Variants in BRINP1 observed in about 807,000 individuals in gnomAD.
BRINP1 encodes the protein BMP/retinoic acid-inducible neural-specific protein 1.
BRINP1 carries 17 observed loss-of-function variants against 72.9 expected under a neutral mutation model. That is an observed-to-expected ratio of 0.23 (90% confidence interval 0.16 to 0.35). The LOEUF is 0.35. Ranked by LOEUF, BRINP1 falls within the 10% of genes least tolerant of loss-of-function variation. The probability of loss-of-function intolerance (pLI) is 1.00; values close to 1 mark genes in which losing one functional copy is unlikely to be tolerated. For synonymous variants in BRINP1, 418 were observed against 378.5 expected, an observed-to-expected ratio of 1.10 and a Z score of -1.21; for missense variants, 850 against 1,001.6, an observed-to-expected ratio of 0.85 and a Z score of 2.04.
At chr9:119,208,636 G>T in intron 7 of BRINP1, 83 bp downstream of exon 7, 1 of 1,369,932 alleles carries the variant, frequency 7.3e-7, no homozygotes, top group South Asian at 1.2e-5. Flanking sequence ...TGCACCATCT[G>T]CATTGCATTT....
At chr9:119,203,996 G>A (rs1465271855) in intron 7 of BRINP1, among the ~76,000 whole-genome samples, 2 of 152,140 alleles carry the variant, frequency 1.3e-5, no homozygotes, top group Non-Finnish European at 2.9e-5. Flanking sequence ...CCAAGGCTAA[G>A]CTGTGTAAAA....
At chr9:119,345,697 T>C (rs967136197) in intron 1 of BRINP1, among the ~76,000 whole-genome samples, 11 of 152,184 alleles carry the variant, frequency 7.2e-5, no homozygotes, top group Non-Finnish European at 1.5e-4. Flanking sequence ...AACTAGTAAG[T>C]AGCAGAGCAG....
chr9:119,204,726 T>C (rs1829835756), intron 7 of BRINP1, among the ~76,000 whole-genome samples: 1 of 152,224 alleles, frequency 6.6e-6, no homozygotes, highest in African/African-American at 2.4e-5. Flanking sequence ...ATTTAAATTT[T>C]AAAATCTTAA....
chr9:119,248,213 G>C (rs1165729263), intron 3 of BRINP1, among the ~76,000 whole-genome samples: 1 of 152,222 alleles, frequency 6.6e-6, no homozygotes, highest in Non-Finnish European at 1.5e-5. Flanking sequence ...CGGCGACTTT[G>C]TGAGTATGTG....
At chr9:119,204,752 T>G (rs2118866731) in intron 7 of BRINP1, among the ~76,000 whole-genome samples, 1 of 152,332 alleles carries the variant, frequency 6.6e-6, no homozygotes, top group African/African-American at 2.4e-5. Flanking sequence ...ACACTTAACC[T>G]GAAGGCAAGT....
At chr9:119,173,842 T>C (rs1403180945) in intron 7 of BRINP1, among the ~76,000 whole-genome samples, 1 of 140,326 alleles carries the variant, frequency 7.1e-6, no homozygotes, top group Admixed American at 6.9e-5. Context: ...ATGCCGCATA[T>C]CTACAACTAT....
chr9:119,306,324 T>C (rs759857586), intron 2 of BRINP1, among the ~76,000 whole-genome samples: 3 of 152,222 alleles, frequency 2.0e-5, no homozygotes, highest in Non-Finnish European at 2.9e-5. Flanking sequence ...TATCTTTGAA[T>C]TGGCACCAGA....
intron 5 of BRINP1, among the ~76,000 whole-genome samples, chr9:119,225,498 T>C (rs1408613679): frequency 1.3e-5 from 2 of 152,222 alleles, no homozygotes; most frequent in Non-Finnish European, 1.5e-5. Context: ...TGATACTTAA[T>C]ACAATGTAAA....
chr9:119,321,251 T>G (rs1420554630), intron 1 of BRINP1, among the ~76,000 whole-genome samples: 1 of 151,982 alleles, frequency 6.6e-6, no homozygotes, highest in African/African-American at 2.4e-5. Context: ...ATTTTATACA[T>G]GGTGAGGAGG....
At chr9:119,329,157 C>T (rs1424976946) in intron 1 of BRINP1, among the ~76,000 whole-genome samples, 2 of 152,106 alleles carry the variant, frequency 1.3e-5, no homozygotes. Context: ...GAGTTCTTCC[C>T]TGGGGTTAAT....
At chr9:119,193,952 C>A in intron 7 of BRINP1, among the ~76,000 whole-genome samples, 1 of 152,138 alleles carries the variant, frequency 6.6e-6, no homozygotes, top group East Asian at 1.9e-4. Flanking sequence ...GGAAAATTCC[C>A]TTTTGTACCT....
At chr9:119,186,356 C>T (rs1383464814) in intron 7 of BRINP1, among the ~76,000 whole-genome samples, 1 of 152,172 alleles carries the variant, frequency 6.6e-6, no homozygotes, top group African/African-American at 2.4e-5. Context: ...GGAGAGAAGC[C>T]TCACTTTCTG....
intron 2 of BRINP1, among the ~76,000 whole-genome samples, chr9:119,296,835 A>C (rs1830884515): frequency 6.6e-6 from 1 of 152,210 alleles, no homozygotes; most frequent in South Asian, 2.1e-4. Context: ...CAGAGAGTAG[A>C]ATGATGGTTG....
At position 119,234,209 on chromosome 9, in the gene BRINP1, G is replaced by A. The variant is rs186725411; in HGVS notation, c.685+4446C>T. ...TAGACACTGCCAAGAATTTTCCGAA[G>A]TGATTGTACCAATTTGTGTTCCTAT... On this transcript the variant is annotated intron_variant, in intron 5 of 7. Coordinates refer to ENST00000265922, the MANE Select transcript of BRINP1 (RefSeq NM_014618.3). Among the ~76,000 whole-genome samples, 792 of 152,290 alleles carry A rather than the reference G, an allele frequency of 5.2e-3. 6 individuals carry two copies. The highest frequency in any genetic ancestry group is 6.0e-3 in the Non-Finnish European group (407 of 68,028).
At chr9:119,168,495 T>TG (rs140346616) in intron 7 of BRINP1, among the ~76,000 whole-genome samples, 22,746 of 146,420 alleles carry the variant, frequency 0.16, 3,054 homozygotes, top group African/African-American at 0.36. Flanking sequence ...AAATGTTCCT[T>TG]GGGGTCCTTC....
intron 1 of BRINP1, among the ~76,000 whole-genome samples, chr9:119,342,540 TCTGA>T (rs1831415769): frequency 6.6e-6 from 1 of 152,212 alleles, no homozygotes; most frequent in Admixed American, 6.5e-5. Flanking sequence ...ACAATTACCT[TCTGA>T]CTATTACCTC....
At chr9:119,344,839 C>T (rs1831435293) in intron 1 of BRINP1, among the ~76,000 whole-genome samples, 1 of 152,086 alleles carries the variant, frequency 6.6e-6, no homozygotes, top group Non-Finnish European at 1.5e-5. Flanking sequence ...TTAACGTAGC[C>T]CCTGCAGTGG....
chr9:119,180,425 G>C (rs918193971), intron 7 of BRINP1, among the ~76,000 whole-genome samples: 11 of 151,704 alleles, frequency 7.3e-5, no homozygotes, highest in African/African-American at 2.7e-4. Context: ...TGTTTTTTTA[G>C]GTTTCTGATG....
chr9:119,182,170 C>T (rs1829564710), intron 7 of BRINP1, among the ~76,000 whole-genome samples: 1 of 152,290 alleles, frequency 6.6e-6, no homozygotes, highest in East Asian at 1.9e-4. Context: ...TAAATCAAAA[C>T]AGATGGCTTG....
Sources: gnomAD v4.1 joint callset for allele counts (sites outside exome capture counted in the v4.1 genomes callset) on GRCh38, gnomAD v4.1.1 for gene constraint, MANE v1.5 for transcripts, NCBI Gene and HGNC (gene_info 2026-07-23, HGNC 2026-07-21) for gene names.